The following ST3GAL6 variants were observed in gnomAD, a reference collection of about 807,000 sequenced individuals.
The protein encoded by ST3GAL6 is type 2 lactosamine alpha-2,3-sialyltransferase.
Under a neutral mutation model 40.5 loss-of-function variants are expected in ST3GAL6, and 31 were observed. That is an observed-to-expected ratio of 0.77 (90% confidence interval 0.58 to 1.03). ST3GAL6 has a LOEUF of 1.03. Among genes scored for constraint, ST3GAL6 ranks in the 50% least tolerant of loss-of-function variants. ST3GAL6 has a pLI of 0.00. For missense variants in ST3GAL6, 357 were observed against 393.2 expected (o/e 0.91, Z 0.78); for synonymous variants, 129 against 136.9 (o/e 0.94, Z 0.40).
chr3:98,760,986 A>C (rs1451044009), upstream of ST3GAL6, among the ~76,000 whole-genome samples: 2 of 152,196 alleles, frequency 1.3e-5, no homozygotes, highest in African/African-American at 2.4e-5. Flanking sequence ...ATATTATATG[A>C]TTCAATTTAT....
At chr3:98,745,428 C>T (rs1382940576) in intron 1 of ST3GAL6, among the ~76,000 whole-genome samples, 1 of 152,216 alleles carries the variant, frequency 6.6e-6, no homozygotes, top group Admixed American at 6.5e-5. Flanking sequence ...TCTCTAGGCT[C>T]AGGCCAGTTC....
intron 5 of ST3GAL6, chr3:98,783,621 C>A: frequency 1.0e-6 from 1 of 985,160 alleles, no homozygotes. Flanking sequence ...CAAACAGACC[C>A]TTCTGGAACC....
intron 1 of ST3GAL6, among the ~76,000 whole-genome samples, chr3:98,768,152 T>A (rs1938566182): frequency 6.6e-6 from 1 of 152,160 alleles, no homozygotes; most frequent in Non-Finnish European, 1.5e-5. Flanking sequence ...TTACCTACCA[T>A]GAGAAAGTAG....
chr3:98,758,951 AG>A (rs1937565869), upstream of ST3GAL6, among the ~76,000 whole-genome samples: 1 of 152,260 alleles, frequency 6.6e-6, no homozygotes. Flanking sequence ...TAAAAAGATT[AG>A]GCAAATTCCC....
chr3:98,785,588 A>G (rs1940627042), intron 6 of ST3GAL6, among the ~76,000 whole-genome samples: 1 of 152,208 alleles, frequency 6.6e-6, no homozygotes, highest in Admixed American at 6.5e-5. Context: ...GCTGGAAAGT[A>G]GCAGGCAGGG....
At chr3:98,782,506 C>T (rs1940231600) in intron 5 of ST3GAL6, 2 of 600,950 alleles carry the variant, frequency 3.3e-6, no homozygotes, top group South Asian at 2.0e-5. Context: ...AATTTACACT[C>T]TGAACCCCAG....
At chr3:98,770,986 TA>T (rs776534037) in intron 3 of ST3GAL6, 30 bp downstream of exon 3, 1 of 1,603,922 alleles carries the variant, frequency 6.2e-7, no homozygotes, top group African/African-American at 1.3e-5. Flanking sequence ...ACCTGTGGCA[TA>T]CAAAATATTC....
chr3:98,754,282 G>C (rs1320747199), intron 1 of ST3GAL6, among the ~76,000 whole-genome samples: 1 of 152,208 alleles, frequency 6.6e-6, no homozygotes, highest in African/African-American at 2.4e-5. Context: ...ACAACTCTCA[G>C]GGATGACTTT....
At chr3:98,741,426 G>A (rs1324960985) in intron 1 of ST3GAL6, among the ~76,000 whole-genome samples, 1 of 152,092 alleles carries the variant, frequency 6.6e-6, no homozygotes, top group East Asian at 1.9e-4. Context: ...AGGGGAATTG[G>A]GGGGCAGGGT....
At chr3:98,734,885 C>G (rs1279713319) in intron 1 of ST3GAL6, among the ~76,000 whole-genome samples, 3 of 152,038 alleles carry the variant, frequency 2.0e-5, no homozygotes, top group Non-Finnish European at 4.4e-5. Flanking sequence ...TCATGTGGAA[C>G]CTTATGGGAG....
intron 1 of ST3GAL6, chr3:98,732,912 C>A: frequency 6.6e-7 from 1 of 1,508,694 alleles, no homozygotes; most frequent in Non-Finnish European, 8.8e-7. Context: ...AGCAGCGGCC[C>A]CTCAGGTCTC....
At chr3:98,771,894 C>A (rs1939036874) in intron 3 of ST3GAL6, among the ~76,000 whole-genome samples, 2 of 147,848 alleles carry the variant, frequency 1.4e-5, no homozygotes. Flanking sequence ...AGTGCAAACA[C>A]ATATTTATAT....
intron 2 of ST3GAL6, among the ~76,000 whole-genome samples, chr3:98,768,743 TC>T (rs1349342601): frequency 2.6e-5 from 4 of 152,226 alleles, no homozygotes; most frequent in Admixed American, 2.6e-4. Flanking sequence ...TCTATTGACT[TC>T]CCAGGGAAGC....
Position 98,793,702 on chromosome 3 carries a change from C to G in ST3GAL6, c.937C>G (p.Gln313Glu). The G allele has an allele frequency of 6.3e-7, 1 of 1,596,828 alleles. No individual in the cohort carries two copies. Residue 313 changes from glutamine to glutamate, a missense_variant, in exon 10 of 10, where the codon CAG becomes GAG. Coordinates refer to ENST00000483910, the MANE Select transcript of ST3GAL6 (RefSeq NM_001323368.2). ...KNAYHNVTAE[Q>E]LFLKDIIEKN... is the part of the protein sequence containing the mutation. The stretch of plus-strand genomic sequence containing the variant: ...CGCGTATCACAATGTGACTGCAGAG[C>G]AGCTCTTTTTGAAGGACATTATAGA...
At chr3:98,762,574 CTCTCTT>C (rs1291453972), upstream of ST3GAL6, 2 of 219,322 alleles carry the variant, frequency 9.1e-6, no homozygotes, top group African/African-American at 4.7e-5. Context: ...CTTAGGATTT[CTCTCTT>C]TAATTATGAG....
chr3:98,732,697 C>A, intron 1 of ST3GAL6: 1 of 660,232 alleles, frequency 1.5e-6, no homozygotes, highest in Non-Finnish European at 2.3e-6. Context: ...CGGAGGCGCT[C>A]GGCGCAGTCG....
rs1452526415 is a variant in ST3GAL6, at chr3:98,732,975, T to C, written c.-12+443T>C. On this transcript the variant is annotated intron_variant, in intron 1 of 9. Coordinates refer to the ST3GAL6 transcript ENST00000265261. ...GCTCCTGGGCCTCGGCGGGTCACTC[T>C]TGCCGGCCGGCTTCGCTGCGGGTTT... 4 of 1,495,474 alleles carry C rather than the reference T, an allele frequency of 2.7e-6. No homozygotes were observed. In the African/African-American group the frequency reaches 4.3e-5, roughly 16 times the overall value. The allele number at this position is 1,495,474 out of a possible 1,614,324, so 92.6% of individuals were successfully genotyped here.
chr3:98,734,675 C>T lies in ST3GAL6; in HGVS notation c.-12+2143C>T, dbSNP rs929388892. On this transcript the variant is annotated intron_variant, in intron 1 of 9. Transcript: ENST00000265261. ...GTTGGAGATAGTTTGTTCTTATGCC[C>T]TATATCAATAATAATAATAAAAAAC... is the stretch of plus-strand genomic sequence containing the variant. 1.6e-4 allele frequency among the ~76,000 whole-genome samples: 24 copies of T among 152,086 alleles called. 1 individual carries two copies. Among genetic ancestry groups the T allele is most frequent in the African/African-American group, 4.3e-4 (18 of 41,396 alleles).
At chr3:98,787,735 T>C (rs1367514488) in intron 6 of ST3GAL6, among the ~76,000 whole-genome samples, 3 of 152,252 alleles carry the variant, frequency 2.0e-5, no homozygotes, top group Admixed American at 1.3e-4. Context: ...CCTGTGGCTC[T>C]GTGTTCCCAC....
Sources: gnomAD v4.1 joint callset for allele counts (sites outside exome capture counted in the v4.1 genomes callset) on GRCh38, gnomAD v4.1.1 for gene constraint, MANE v1.5 for transcripts, NCBI Gene and HGNC (gene_info 2026-07-23, HGNC 2026-07-21) for gene names.